The following GABRR2 variants were observed in gnomAD, a reference collection of about 807,000 sequenced individuals.
GABRR2 encodes gamma-aminobutyric acid receptor subunit rho-2.
Under a neutral mutation model 47.0 loss-of-function variants are expected in GABRR2, and 36 were observed. The ratio of observed to expected loss-of-function variants is 0.77; its 90% CI spans 0.59 to 1.01. GABRR2 has a LOEUF of 1.01. Ranked by LOEUF, GABRR2 falls within the 50% of genes least tolerant of loss-of-function variation. The pLI is 0.00. For synonymous variants in GABRR2, 204 were observed against 227.5 expected (o/e 0.90, Z 0.93); for missense variants, 587 against 594.6 (o/e 0.99, Z 0.13).
intron 2 of GABRR2, among the ~76,000 whole-genome samples, chr6:89,272,648 A>G (rs1582444904): frequency 6.6e-6 from 1 of 152,194 alleles, no homozygotes; most frequent in South Asian, 2.1e-4. Context: ...TCAGCGGGAG[A>G]GGGCATTGTC....
In GABRR2 at chr6:89,269,179, A is replaced by G. The variant is rs1435709542; in HGVS notation, c.344T>C (p.Phe115Ser). ...CATGCTCTTGTTGCTGGCGCTGGAG[A>G]AAGCTAGCCTCTCATCCTTCCAGTA... ...RHYWKDERLA[F>S]SSASNKSMTF... The change falls in exon 4 of 9, where the codon TTC becomes TCC. Residue 115 changes from phenylalanine to serine, a missense_variant. Transcript: ENST00000402938. 22 of 1,614,050 alleles carry G rather than the reference A, an allele frequency of 1.4e-5. No individual in the cohort carries two copies. The highest frequency in any genetic ancestry group is 1.9e-5 in the Non-Finnish European group (22 of 1,179,890).
intron 2 of GABRR2, among the ~76,000 whole-genome samples, chr6:89,285,174 G>GC (rs1774312362): frequency 6.6e-6 from 1 of 152,204 alleles, no homozygotes; most frequent in South Asian, 2.1e-4. Flanking sequence ...CCAGTCCCCA[G>GC]CAGCACCTGG....
At chr6:89,313,410 G>A (rs929407605) in intron 1 of GABRR2, among the ~76,000 whole-genome samples, 33 of 152,152 alleles carry the variant, frequency 2.2e-4, no homozygotes, top group African/African-American at 6.5e-4. Flanking sequence ...GGTTTTCCAC[G>A]TTTTGGTGGC....
intron 2 of GABRR2, among the ~76,000 whole-genome samples, chr6:89,292,708 TATATATC>T (rs200211787): frequency 7.4e-6 from 1 of 134,704 alleles, no homozygotes; most frequent in Non-Finnish European, 1.6e-5. Context: ...GTATCTCTGA[TATATATC>T]AGATATATAT....
At position 89,257,924 on chromosome 6, in the gene GABRR2, T is replaced by C. The variant is rs1773644258; in HGVS notation, c.1144A>G (p.Ser382Gly). 3 of 1,613,922 alleles carry C rather than the reference T, an allele frequency of 1.9e-6. No individual in the cohort carries two copies. Among genetic ancestry groups the C allele is most frequent in the African/African-American group, 2.7e-5 (2 of 74,946 alleles). Residue 382 changes from serine (S) to glycine (G), a missense_variant, in exon 9 of 9, where the codon AGT becomes GGT. Physicochemically the swap from Ser to Gly is moderately conservative, Grantham distance 56. Coordinates refer to ENST00000402938, the MANE Select transcript of GABRR2 (RefSeq NM_002043.5). ...GCCAGGCTGTTGGCCTCAGACTCAC[T>C]GTAGCTTCCATCCAGCATCATGGTT... ...SKTMMLDGSY[S>G]ESEANSLAGY... is the part of the protein sequence containing the mutation.
At chr6:89,281,561 G>GT (rs1023291424) in intron 2 of GABRR2, among the ~76,000 whole-genome samples, 7 of 151,434 alleles carry the variant, frequency 4.6e-5, no homozygotes, top group African/African-American at 4.8e-5. Flanking sequence ...AGATGTGCAC[G>GT]TTTTTTTTTA....
At chr6:89,270,647 A>G (rs1452051096) in intron 3 of GABRR2, 1 of 152,216 alleles carries the variant, frequency 6.6e-6, no homozygotes, top group Non-Finnish European at 1.5e-5. Flanking sequence ...TATCAATCAT[A>G]TCAGCTCTGC....
In GABRR2 at chr6:89,263,485, A is replaced by G. The variant is rs147678731; in HGVS notation, c.1086+927T>C. On this transcript the variant is annotated intron_variant, in intron 8 of 8. Transcript: ENST00000402938. Reference sequence around the variant, plus strand: ...GTTCAAGGATCGACTGTAGTATAATATAGTACAGTACAGTACATTATAGAT... The same window carrying G: ...GTTCAAGGATCGACTGTAGTATAATGTAGTACAGTACAGTACATTATAGAT... 2.8e-3 allele frequency among the ~76,000 whole-genome samples: 425 copies of G among 152,314 alleles called. 3 individuals carry two copies. The highest frequency in any genetic ancestry group is 9.8e-3 in the African/African-American group (408 of 41,572).
chr6:89,295,797 T>C (rs1288440355), intron 2 of GABRR2, among the ~76,000 whole-genome samples: 1 of 152,068 alleles, frequency 6.6e-6, no homozygotes, highest in African/African-American at 2.4e-5. Context: ...CTTGAATTAA[T>C]TTTTGTATAA....
At chr6:89,308,478 A>T (rs182114045) in intron 1 of GABRR2, among the ~76,000 whole-genome samples, 3 of 150,828 alleles carry the variant, frequency 2.0e-5, no homozygotes, top group Admixed American at 6.6e-5. Flanking sequence ...GTGTGATAAT[A>T]AAAAAAAATT....
chr6:89,278,690 A>G (rs1055718446), intron 2 of GABRR2, among the ~76,000 whole-genome samples: 8 of 152,176 alleles, frequency 5.3e-5, no homozygotes, highest in African/African-American at 1.9e-4. Flanking sequence ...TCCTTCATCA[A>G]CTTTCAGGGA....
rs1354983383 is a variant in GABRR2 at position 89,264,476 on chromosome 6, T to C, written c.1022A>G (p.Glu341Gly). ...SFVFVFLSVLEYAAVNYLTTV... is the reference protein window; with the variant it reads ...SFVFVFLSVLGYAAVNYLTTV... The stretch of plus-strand genomic sequence containing the variant: ...GGTCAGGTAGTTGACAGCCGCATAC[T>C]CCAGCACCGAGAGGAACACGAACAC... The change falls in exon 8 of 9, where the codon GAG (glutamate) becomes GGG (glycine). Residue 341 changes from glutamate to glycine, a missense_variant. Glu to Gly is a moderately conservative substitution (Grantham distance 98). Transcript: ENST00000402938. The C allele has an allele frequency of 1.9e-6, 3 of 1,613,728 alleles. No individual in the cohort carries two copies. Among genetic ancestry groups the C allele is most frequent in the African/African-American group, 2.7e-5 (2 of 74,822 alleles).
rs1050173848 is a variant in GABRR2 at position 89,268,694 on chromosome 6, CT to C, written c.512+316del. Among the ~76,000 whole-genome samples the C allele has an allele frequency of 1.1e-3, 166 of 149,732 alleles. 2 individuals carry two copies. The highest frequency in any genetic ancestry group is 1.9e-3 in the Non-Finnish European group (130 of 67,474). ...TTTTTTTAATCTATTTTTTTAAAAGCTTTTTTTTTAATCTTTATTATCAATC... is the reference window on the plus strand; with the variant it reads ...TTTTTTTAATCTATTTTTTTAAAAGCTTTTTTTTAATCTTTATTATCAATC... On this transcript the variant is annotated intron_variant, in intron 4 of 8. Coordinates refer to ENST00000402938, the MANE Select transcript of GABRR2 (RefSeq NM_002043.5).
At chr6:89,281,467 G>T (rs1402981334) in intron 2 of GABRR2, among the ~76,000 whole-genome samples, 2 of 152,224 alleles carry the variant, frequency 1.3e-5, no homozygotes, top group African/African-American at 4.8e-5. Flanking sequence ...ACTTCTAACA[G>T]GTAGCGGGAG....
chr6:89,259,235 G>A (rs944484172), intron 8 of GABRR2, among the ~76,000 whole-genome samples: 8 of 152,218 alleles, frequency 5.3e-5, no homozygotes, highest in African/African-American at 1.2e-4. Flanking sequence ...CCTTCAGGGC[G>A]TCTGTTTTTC....
intron 2 of GABRR2, among the ~76,000 whole-genome samples, chr6:89,298,202 CCTT>C (rs1194051908): frequency 1.3e-5 from 2 of 152,138 alleles, no homozygotes; most frequent in Admixed American, 6.5e-5. Context: ...CTGCTTTTCT[CCTT>C]CTGCTTAGCA....
chr6:89,293,181 G>A (rs796259969), intron 2 of GABRR2, among the ~76,000 whole-genome samples: 4 of 152,222 alleles, frequency 2.6e-5, no homozygotes, highest in African/African-American at 9.6e-5. Context: ...ATGCTAGATG[G>A]AATATGCCAG....
At chr6:89,301,323 G>A (rs911202248) in intron 1 of GABRR2, among the ~76,000 whole-genome samples, 3 of 151,978 alleles carry the variant, frequency 2.0e-5, no homozygotes, top group Non-Finnish European at 2.9e-5. Context: ...ACAAGACAAG[G>A]GTGCCCTCTC....
intron 2 of GABRR2, among the ~76,000 whole-genome samples, chr6:89,290,289 T>C (rs923319073): frequency 6.6e-6 from 1 of 152,226 alleles, no homozygotes. Context: ...GCCTTTCTTC[T>C]TTTCCTGCCA....
Sources: allele counts gnomAD v4.1 joint callset (sites outside exome capture counted in the v4.1 genomes callset), GRCh38; gene constraint gnomAD v4.1.1; transcripts MANE v1.5; gene names NCBI Gene and HGNC (gene_info 2026-07-23, HGNC 2026-07-21).